EPHA5: variants seen among roughly 807,000 people sequenced by gnomAD.
EPHA5 encodes EPH receptor A5.
EPHA5 carries 60 observed loss-of-function variants against 105.0 expected under a neutral mutation model. The ratio of observed to expected loss-of-function variants is 0.57; its 90% CI spans 0.46 to 0.71. The LOEUF (loss-of-function observed/expected upper bound fraction) is 0.71. Ranked by LOEUF, EPHA5 falls within the 30% of genes least tolerant of loss-of-function variation. The pLI is 0.00. For synonymous variants in EPHA5, 513 were observed against 449.1 expected (o/e 1.14, Z -1.80); for missense variants, 1,218 against 1,274.7 (o/e 0.96, Z 0.68).
At chr4:65,330,803 A>G (rs2148794705) in intron 16 of EPHA5, 3 of 1,028,620 alleles carry the variant, frequency 2.9e-6, no homozygotes, top group Admixed American at 5.7e-5. Flanking sequence ...TGGACAAAGC[A>G]TATGTGTTAT....
intron 2 of EPHA5, among the ~76,000 whole-genome samples, chr4:65,633,923 A>G (rs1477968312): frequency 2.0e-5 from 3 of 152,262 alleles, no homozygotes; most frequent in East Asian, 3.9e-4. Flanking sequence ...AGACAAAGTG[A>G]TAAGTGTGGA....
intron 8 of EPHA5, among the ~76,000 whole-genome samples, chr4:65,375,727 G>C (rs1010686819): frequency 6.6e-6 from 1 of 151,130 alleles, no homozygotes; most frequent in Non-Finnish European, 1.5e-5. Flanking sequence ...TGACACTAAA[G>C]TAGAATAGAC....
intron 5 of EPHA5, among the ~76,000 whole-genome samples, chr4:65,442,493 T>C (rs1726115416): frequency 6.6e-6 from 1 of 152,140 alleles, no homozygotes; most frequent in Non-Finnish European, 1.5e-5. Flanking sequence ...CGCTAGCTGA[T>C]TAAAACACAG....
intron 5 of EPHA5, among the ~76,000 whole-genome samples, chr4:65,464,764 T>C (rs572241355): frequency 2.2e-4 from 34 of 152,212 alleles, no homozygotes; most frequent in African/African-American, 7.7e-4. Context: ...AATAAATCAG[T>C]TTCAATTGAT....
chr4:65,534,665 G>C (rs1176007113), intron 3 of EPHA5, among the ~76,000 whole-genome samples: 1 of 152,148 alleles, frequency 6.6e-6, no homozygotes, highest in Non-Finnish European at 1.5e-5. Context: ...TTTCTGCAAA[G>C]ATCTGAAACC....
At chr4:65,597,758 T>C (rs569610286) in intron 3 of EPHA5, among the ~76,000 whole-genome samples, 51 of 152,198 alleles carry the variant, frequency 3.4e-4, no homozygotes, top group Non-Finnish European at 6.0e-4. Flanking sequence ...GGTGAGGTAG[T>C]CTATTTCTCT....
chr4:65,426,104 G>T (rs1420786768), intron 5 of EPHA5, among the ~76,000 whole-genome samples: 3 of 152,102 alleles, frequency 2.0e-5, no homozygotes, highest in African/African-American at 7.2e-5. Flanking sequence ...TATTGTTCAT[G>T]CTGTAATTTT....
At chr4:65,417,357 C>A (rs1413621152) in intron 6 of EPHA5, among the ~76,000 whole-genome samples, 2 of 152,288 alleles carry the variant, frequency 1.3e-5, no homozygotes, top group South Asian at 4.1e-4. Flanking sequence ...TAACTCAATA[C>A]ATGGTATAAA....
intron 5 of EPHA5, among the ~76,000 whole-genome samples, chr4:65,470,366 A>G (rs1270493572): frequency 6.6e-6 from 1 of 151,592 alleles, no homozygotes; most frequent in African/African-American, 2.4e-5. Flanking sequence ...TAATTTCTAT[A>G]TTTTTACTAG....
intron 4 of EPHA5, among the ~76,000 whole-genome samples, chr4:65,491,667 A>G (rs1255799106): frequency 6.6e-6 from 1 of 151,978 alleles, no homozygotes; most frequent in Non-Finnish European, 1.5e-5. Context: ...TTTAAAATAT[A>G]TTTTATATTC....
At chr4:65,351,155 T>C (rs1722776731) in intron 13 of EPHA5, among the ~76,000 whole-genome samples, 2 of 152,006 alleles carry the variant, frequency 1.3e-5, no homozygotes, top group Admixed American at 1.3e-4. Context: ...ATTTTTAGTA[T>C]CTTCAGAAAA....
intron 5 of EPHA5, among the ~76,000 whole-genome samples, chr4:65,473,122 C>T (rs1729451114): frequency 6.6e-6 from 1 of 152,128 alleles, no homozygotes; most frequent in African/African-American, 2.4e-5. Flanking sequence ...CAACAAGGTC[C>T]TCATCTCCAT....
intron 3 of EPHA5, among the ~76,000 whole-genome samples, chr4:65,596,386 A>G (rs1045436628): frequency 6.6e-6 from 1 of 152,130 alleles, no homozygotes; most frequent in Non-Finnish European, 1.5e-5. Context: ...TGAACAAGAC[A>G]ACATCCCCCT....
At chr4:65,632,534 G>GAA (rs1746742069) in intron 2 of EPHA5, among the ~76,000 whole-genome samples, 1 of 88,826 alleles carries the variant, frequency 1.1e-5, no homozygotes, top group African/African-American at 5.5e-5. Context: ...TCAATTTTCA[G>GAA]CAAAAAAAAA....
chr4:65,525,930 A>G (rs1223194721), intron 3 of EPHA5, among the ~76,000 whole-genome samples: 1 of 151,600 alleles, frequency 6.6e-6, no homozygotes, highest in Admixed American at 6.6e-5. Context: ...TTATAAAGAG[A>G]TGAACATTTC....
At chr4:65,532,457 TATA>T (rs1250940142) in intron 3 of EPHA5, among the ~76,000 whole-genome samples, 2 of 152,028 alleles carry the variant, frequency 1.3e-5, no homozygotes, top group African/African-American at 4.8e-5. Context: ...TCTATTTCAG[TATA>T]ATAATAGACC....
intron 3 of EPHA5, among the ~76,000 whole-genome samples, chr4:65,533,308 T>G (rs1735997302): frequency 6.6e-6 from 1 of 152,146 alleles, no homozygotes; most frequent in African/African-American, 2.4e-5. Context: ...TACTTCTACA[T>G]AGAATGCTGA....
chr4:65,338,085 C>T (rs1258784278), intron 14 of EPHA5, among the ~76,000 whole-genome samples: 1 of 151,662 alleles, frequency 6.6e-6, no homozygotes, highest in East Asian at 1.9e-4. Flanking sequence ...AATAAAACAA[C>T]AGATACATGA....
At chr4:65,439,926 T>C (rs1433983911) in intron 5 of EPHA5, among the ~76,000 whole-genome samples, 7 of 152,154 alleles carry the variant, frequency 4.6e-5, no homozygotes, top group African/African-American at 1.7e-4. Flanking sequence ...TTATGTCATG[T>C]TTGTAGCTAT....
Sources: gnomAD v4.1 joint callset for allele counts (sites outside exome capture counted in the v4.1 genomes callset) on GRCh38, gnomAD v4.1.1 for gene constraint, MANE v1.5 for transcripts, NCBI Gene and HGNC (gene_info 2026-07-23, HGNC 2026-07-21) for gene names.